RAP1A: variants seen among roughly 807,000 people sequenced by gnomAD.
The protein encoded by RAP1A is ras-related protein Rap-1A.
In RAP1A, 6 loss-of-function variants were observed where a neutral mutation model predicts 26.4. The observed-to-expected ratio is 0.23, with a 90% CI of 0.12 to 0.45. The LOEUF (loss-of-function observed/expected upper bound fraction) is 0.45, where lower values mean the gene tolerates loss of function less well. RAP1A is among the 20% of genes least tolerant of loss of function. The pLI is 0.99. For missense variants in RAP1A, 121 were observed against 217.2 expected (o/e 0.56, Z 2.78); for synonymous variants, 73 against 79.4 (o/e 0.92, Z 0.43).
At chr1:111,601,277 G>C (rs2789546) in intron 1 of RAP1A, among the ~76,000 whole-genome samples, 121,842 of 152,098 alleles carry the variant, frequency 0.8, 48,839 homozygotes, top group South Asian at 0.86. Context: ...CAACCACACC[G>C]ATTGTCCTGG....
chr1:111,674,387 TGTG>T (rs968987697), intron 1 of RAP1A, among the ~76,000 whole-genome samples: 2 of 151,988 alleles, frequency 1.3e-5, no homozygotes, highest in African/African-American at 4.8e-5. Context: ...TTTTCAAAAA[TGTG>T]GTGGTTATTT....
chr1:111,668,544 G>T (rs969645839), intron 1 of RAP1A, among the ~76,000 whole-genome samples: 4 of 152,146 alleles, frequency 2.6e-5, no homozygotes, highest in Non-Finnish European at 4.4e-5. Context: ...TACAGGTGAA[G>T]GAATGAAGCA....
intron 1 of RAP1A, among the ~76,000 whole-genome samples, chr1:111,680,213 C>T (rs763109007): frequency 3.3e-5 from 5 of 152,262 alleles, no homozygotes; most frequent in South Asian, 2.1e-4. Flanking sequence ...AAAGGTGGCA[C>T]GGACCCAAAG....
intron 1 of RAP1A, among the ~76,000 whole-genome samples, chr1:111,572,204 A>G (rs947203470): frequency 1.3e-5 from 2 of 152,230 alleles, no homozygotes; most frequent in Admixed American, 6.5e-5. Context: ...GCCTTTCAGA[A>G]GCTTCTTTCA....
intron 4 of RAP1A, 65 bp from the exon 5 acceptor site, chr1:111,703,271 T>G: frequency 1.8e-6 from 2 of 1,121,126 alleles, no homozygotes; most frequent in Non-Finnish European, 2.4e-6. Flanking sequence ...TATGCTGTTT[T>G]AAATTGTTGC....
At chr1:111,555,948 A>G (rs1205819959) in intron 1 of RAP1A, among the ~76,000 whole-genome samples, 2 of 152,238 alleles carry the variant, frequency 1.3e-5, no homozygotes, top group Non-Finnish European at 2.9e-5. Flanking sequence ...TTTGTGCATC[A>G]AAGGACACTA....
At chr1:111,686,272 A>C (rs1661475094) in intron 1 of RAP1A, among the ~76,000 whole-genome samples, 1 of 152,162 alleles carries the variant, frequency 6.6e-6, no homozygotes, top group African/African-American at 2.4e-5. Context: ...AAGTATAATA[A>C]AGTGATTATT....
At chr1:111,677,611 G>C (rs1661168467) in intron 1 of RAP1A, among the ~76,000 whole-genome samples, 1 of 152,148 alleles carries the variant, frequency 6.6e-6, no homozygotes, top group Admixed American at 6.5e-5. Context: ...AGTTGGTGCT[G>C]GTTCTTGGTA....
intron 1 of RAP1A, among the ~76,000 whole-genome samples, chr1:111,574,141 T>C (rs1658102803): frequency 6.6e-6 from 1 of 152,210 alleles, no homozygotes; most frequent in African/African-American, 2.4e-5. Flanking sequence ...GTATATAGTG[T>C]AAAGAAGGGG....
chr1:111,656,810 T>C (rs568307693), intron 1 of RAP1A, among the ~76,000 whole-genome samples: 2 of 152,234 alleles, frequency 1.3e-5, no homozygotes, highest in East Asian at 3.9e-4. Context: ...TTAGTTAATA[T>C]GGAGAATTGT....
chr1:111,648,534 G>A, intron 1 of RAP1A: 3 of 558,834 alleles, frequency 5.4e-6, no homozygotes, highest in South Asian at 1.6e-5. Context: ...CCGGGTCTGT[G>A]CCAGCTCTGA....
At chr1:111,618,067 A>G (rs1659052339), upstream of RAP1A, among the ~76,000 whole-genome samples, 1 of 151,862 alleles carries the variant, frequency 6.6e-6, no homozygotes, top group Non-Finnish European at 1.5e-5. Flanking sequence ...ATTCCAGCAT[A>G]CTAAAATGAG....
chr1:111,595,759 T>C (rs1658553895), intron 1 of RAP1A, among the ~76,000 whole-genome samples: 1 of 152,208 alleles, frequency 6.6e-6, no homozygotes, highest in African/African-American at 2.4e-5. Context: ...ATTTGCCAAA[T>C]AGCTCAAAGT....
chr1:111,653,829 A>G (rs1401321845), intron 1 of RAP1A, among the ~76,000 whole-genome samples: 1 of 152,172 alleles, frequency 6.6e-6, no homozygotes, highest in African/African-American at 2.4e-5. Flanking sequence ...GCATGAATTA[A>G]TGGATACAAC....
At chr1:111,550,788 C>T (rs191403566) in intron 1 of RAP1A, among the ~76,000 whole-genome samples, 1 of 152,320 alleles carries the variant, frequency 6.6e-6, no homozygotes, top group East Asian at 1.9e-4. Flanking sequence ...TGCCACCACA[C>T]CCAGCCCAAT....
intron 1 of RAP1A, among the ~76,000 whole-genome samples, chr1:111,547,287 G>A (rs965610550): frequency 6.6e-6 from 1 of 151,814 alleles, no homozygotes; most frequent in African/African-American, 2.4e-5. Flanking sequence ...GGTCTGGTGT[G>A]TTTTTAAATC....
intron 1 of RAP1A, among the ~76,000 whole-genome samples, chr1:111,684,535 G>T (rs1381318975): frequency 2.0e-5 from 3 of 152,126 alleles, no homozygotes; most frequent in Non-Finnish European, 2.9e-5. Context: ...ATTCACAATT[G>T]CTACCAAGAG....
At chr1:111,665,489 G>C (rs1406094047) in intron 1 of RAP1A, among the ~76,000 whole-genome samples, 1 of 152,114 alleles carries the variant, frequency 6.6e-6, no homozygotes, top group Non-Finnish European at 1.5e-5. Context: ...AACCTAGAAA[G>C]TATTAGTCAT....
In RAP1A at chr1:111,679,211, G is replaced by T. The variant is rs187921940; in HGVS notation, c.-27-12123G>T. On this transcript the variant is annotated intron_variant, in intron 1 of 7. Coordinates refer to ENST00000369709, the MANE Select transcript of RAP1A (RefSeq NM_002884.4). ...ACCCAGTTCATCTCACTGGGACTGGGTTAGACAGTGGGTGTAGCTCATGGA... is the reference window on the plus strand; with the variant it reads ...ACCCAGTTCATCTCACTGGGACTGGTTTAGACAGTGGGTGTAGCTCATGGA... 5.9e-5 allele frequency among the ~76,000 whole-genome samples: 9 copies of T among 152,294 alleles called. No individual in the cohort carries two copies. In the East Asian group the frequency reaches 1.5e-3, roughly 26 times the overall value.
Sources: allele counts gnomAD v4.1 joint callset (sites outside exome capture counted in the v4.1 genomes callset), GRCh38; gene constraint gnomAD v4.1.1; transcripts MANE v1.5; gene names NCBI Gene and HGNC (gene_info 2026-07-23, HGNC 2026-07-21).